Variants in STAG2 observed in about 807,000 individuals in gnomAD.
STAG2 encodes the protein cohesin subunit SA-2.
Under a neutral mutation model 108.1 loss-of-function variants are expected in STAG2, and 14 were observed. The observed-to-expected ratio is 0.13, with a 90% CI of 0.09 to 0.20. The LOEUF (loss-of-function observed/expected upper bound fraction) is 0.20, where lower values mean the gene tolerates loss of function less well. Among genes scored for constraint, STAG2 ranks in the 10% least tolerant of loss-of-function variants. The probability of loss-of-function intolerance (pLI) is 1.00; values close to 1 mark genes in which losing one functional copy is unlikely to be tolerated. For synonymous variants in STAG2, 307 were observed against 302.7 expected, an observed-to-expected ratio of 1.01 and a Z score of -0.15; for missense variants, 440 against 940.9, an observed-to-expected ratio of 0.47 and a Z score of 6.96.
chrX:123,977,604 T>A (rs2054679043), intron 1 of STAG2, among the ~76,000 whole-genome samples: 1 of 111,472 alleles, frequency 9.0e-6, no homozygotes, highest in East Asian at 2.8e-4. Flanking sequence ...TTTCAAAAAT[T>A]AATCCATTTC....
At chrX:124,088,789 T>C (rs1179826933) in intron 30 of STAG2, among the ~76,000 whole-genome samples, 1 of 106,958 alleles carries the variant, frequency 9.3e-6, no homozygotes, top group South Asian at 4.2e-4. Context: ...TAATTTTGTA[T>C]TTTTAGTAGA....
chrX:124,007,105 A>ATCTC (rs763980138), intron 1 of STAG2, among the ~76,000 whole-genome samples: 18 of 102,757 alleles, frequency 1.8e-4, no homozygotes, highest in African/African-American at 4.9e-4. Context: ...GGCTCAAGCG[A>ATCTC]TCTCTCTCTC....
At chrX:124,021,005 G>GA (rs990137307) in intron 1 of STAG2, among the ~76,000 whole-genome samples, 3 of 111,911 alleles carry the variant, frequency 2.7e-5, no homozygotes, top group Non-Finnish European at 5.7e-5. Flanking sequence ...GTATCTTTCA[G>GA]AAAAAAAATA....
chrX:123,992,603 A>G (rs1456135243), intron 1 of STAG2, among the ~76,000 whole-genome samples: 1 of 109,894 alleles, frequency 9.1e-6, no homozygotes, highest in East Asian at 2.9e-4. Flanking sequence ...CAGTGGCTCA[A>G]TCTCGGCTCA....
chrX:124,025,125 G>T (rs953851467), intron 3 of STAG2, among the ~76,000 whole-genome samples: 1 of 111,104 alleles, frequency 9.0e-6, no homozygotes, highest in African/African-American at 3.3e-5. Flanking sequence ...AGATTGTAGA[G>T]ACTTTAGAGA....
chrX:124,080,835 T>C (rs949037608), intron 27 of STAG2, among the ~76,000 whole-genome samples: 1 of 112,299 alleles, frequency 8.9e-6, no homozygotes, highest in African/African-American at 3.2e-5. Flanking sequence ...TAGACCACAA[T>C]TTAACCAAAG....
chrX:124,058,569 A>T (rs112913630), intron 15 of STAG2, among the ~76,000 whole-genome samples: 5,055 of 112,306 alleles, frequency 0.045, 94 homozygotes, highest in Middle Eastern at 0.074. Context: ...TATTTGTGTG[A>T]CCTTGGTTTA....
At chrX:123,979,319 G>A (rs1349759356) in intron 1 of STAG2, among the ~76,000 whole-genome samples, 1 of 110,909 alleles carries the variant, frequency 9.0e-6, no homozygotes, top group African/African-American at 3.3e-5. Context: ...TACATGAGTT[G>A]TCTCTTTCCC....
chrX:124,021,842 T>C (rs1328881332), intron 2 of STAG2, among the ~76,000 whole-genome samples: 1 of 111,175 alleles, frequency 9.0e-6, no homozygotes, highest in Non-Finnish European at 1.9e-5. Flanking sequence ...TGTATGTGCA[T>C]GATACCAGCA....
At chrX:124,054,535 A>G (rs770612108) in intron 13 of STAG2, among the ~76,000 whole-genome samples, 24 of 112,101 alleles carry the variant, frequency 2.1e-4, no homozygotes, top group Admixed American at 3.8e-4. Flanking sequence ...AAATAAAGTA[A>G]CAGTATGCTA....
At chrX:123,986,190 AAT>A (rs1260642345) in intron 1 of STAG2, among the ~76,000 whole-genome samples, 4 of 107,473 alleles carry the variant, frequency 3.7e-5, no homozygotes, top group Admixed American at 2.1e-4. Context: ...TATGATATAT[AAT>A]ATATGTATAT....
At chrX:124,003,417 A>T (rs1296084623) in intron 1 of STAG2, 1 of 110,027 alleles carries the variant, frequency 9.1e-6, no homozygotes, top group African/African-American at 3.3e-5. Context: ...CTGAAATATA[A>T]TTTTTTTTTA....
At chrX:124,045,473 A>C (rs951891396) in intron 8 of STAG2, 105 bp downstream of exon 8, 17 of 732,816 alleles carry the variant, frequency 2.3e-5, no homozygotes, top group Admixed American at 3.2e-5. Flanking sequence ...AATTTTATTT[A>C]TAAAGTGACC....
intron 1 of STAG2, among the ~76,000 whole-genome samples, chrX:124,001,023 CAG>C (rs1460878848): frequency 8.9e-6 from 1 of 111,759 alleles, no homozygotes; most frequent in Non-Finnish European, 1.9e-5. Flanking sequence ...AATTAGGAGT[CAG>C]TGTAAAAGTT....
At chrX:124,028,822 A>ATATT (rs1296806013) in intron 4 of STAG2, among the ~76,000 whole-genome samples, 90 of 38,940 alleles carry the variant, frequency 2.3e-3, no homozygotes, top group African/African-American at 9.9e-3. Flanking sequence ...ATATATATAT[A>ATATT]TTTTTTTTTT....
At chrX:124,019,401 C>T (rs962143822) in intron 1 of STAG2, among the ~76,000 whole-genome samples, 1 of 110,550 alleles carries the variant, frequency 9.0e-6, no homozygotes, top group Non-Finnish European at 1.9e-5. Context: ...GGTACCTTCT[C>T]GTAGAAATAA....
At chrX:123,997,755 C>T (rs1181451880) in intron 1 of STAG2, among the ~76,000 whole-genome samples, 1 of 111,915 alleles carries the variant, frequency 8.9e-6, no homozygotes, top group Admixed American at 9.5e-5. Context: ...ATTCTCTCGC[C>T]TCGGCCTCCC....
intron 15 of STAG2, among the ~76,000 whole-genome samples, chrX:124,060,137 G>C (rs2058337871): frequency 9.0e-6 from 1 of 111,600 alleles, no homozygotes; most frequent in Non-Finnish European, 1.9e-5. Flanking sequence ...TTTTGTTGTT[G>C]TTGTTTTTTG....
intron 30 of STAG2, among the ~76,000 whole-genome samples, chrX:124,087,012 C>T (rs759612006): frequency 1.2e-4 from 14 of 112,444 alleles, no homozygotes; most frequent in African/African-American, 4.5e-4. Context: ...GTAACATACT[C>T]ATGTCACAGT....
Sources: allele counts gnomAD v4.1 joint callset (sites outside exome capture counted in the v4.1 genomes callset), GRCh38; gene constraint gnomAD v4.1.1; transcripts MANE v1.5; gene names NCBI Gene and HGNC (gene_info 2026-07-23, HGNC 2026-07-21).